Variants in IHO1 observed in about 807,000 individuals in gnomAD.
IHO1 encodes interactor of HORMAD1 1.
IHO1 carries 13 observed loss-of-function variants against 31.0 expected under a neutral mutation model. That is an observed-to-expected ratio of 0.42 (90% CI 0.27 to 0.67). The LOEUF (loss-of-function observed/expected upper bound fraction) is 0.67, where lower values mean the gene tolerates loss of function less well. Among genes scored for constraint, IHO1 ranks in the 30% least tolerant of loss-of-function variants. The pLI, the probability that IHO1 is intolerant of heterozygous loss-of-function variation, is 0.24. For missense variants in IHO1, 599 were observed against 687.5 expected, an observed-to-expected ratio of 0.87 and a Z score of 1.44; for synonymous variants, 221 against 248.4, an observed-to-expected ratio of 0.89 and a Z score of 1.04.
At chr3:49,213,598 G>A (rs2046249381) in intron 2 of IHO1, among the ~76,000 whole-genome samples, 1 of 152,226 alleles carries the variant, frequency 6.6e-6, no homozygotes. Flanking sequence ...GGCAGTGCTA[G>A]TCAGGGAGGC....
chr3:49,256,817 C>T lies in IHO1; in HGVS notation c.1320C>T (p.Asp440=). The stretch of plus-strand genomic sequence containing the variant: ...GGACTGTAGAAATGCGGGGGAAAGA[C>T]AAGAAGCAGCAGCCCAGGAAGGCCC... The part of the protein sequence containing the change: ...KDGTVEMRGK[D]KKQQPRKAHR... The change falls in exon 8 of 8, where the codon GAC becomes GAT. Residue 440 remains aspartate, a synonymous_variant. Coordinates refer to ENST00000452691, the MANE Select transcript of IHO1 (RefSeq NM_001135197.2). This position sits in a 1 kb window ranked among gnomAD's most constrained non-coding sequence, Gnocchi z 4.6. 1.2e-6 allele frequency: 2 copies of T among 1,614,160 alleles called. No individual in the cohort carries two copies. The highest frequency in any genetic ancestry group is 8.5e-7 in the Non-Finnish European group (1 of 1,180,020).
chr3:49,252,932 C>G (rs1053165840), intron 6 of IHO1, among the ~76,000 whole-genome samples: 2 of 151,854 alleles, frequency 1.3e-5, no homozygotes, highest in Admixed American at 6.6e-5. Flanking sequence ...GTCCCAGCTA[C>G]TTGGGAGGCT....
Position 49,257,114 on chromosome 3 carries a change from C to G in IHO1, c.1617C>G (p.Cys539Trp), listed in dbSNP as rs1297883345. ...GAAGACTCTTGCAGCTCAGCAGGTG[C>G]TCTTCCCAAGACAACTGGCTACTTT... is the stretch of plus-strand genomic sequence containing the variant. ...VQGRLLQLSRCSSQDNWLLSS... is the reference protein window; with the variant it reads ...VQGRLLQLSRWSSQDNWLLSS... The change falls in exon 8 of 8, where the codon TGC (cysteine) becomes TGG (tryptophan). Residue 539 changes from cysteine (C) to tryptophan (W), a missense_variant. Physicochemically the swap from Cys to Trp is radical, Grantham distance 215 (BLOSUM62 -2). Coordinates refer to ENST00000452691, the MANE Select transcript of IHO1 (RefSeq NM_001135197.2). 2 of 1,614,044 alleles carry G rather than the reference C, an allele frequency of 1.2e-6. No homozygotes were observed. The highest frequency in any genetic ancestry group is 1.7e-6 in the Non-Finnish European group (2 of 1,180,036).
intron 1 of IHO1, among the ~76,000 whole-genome samples, chr3:49,207,337 C>G (rs1272040195): frequency 6.7e-6 from 1 of 149,474 alleles, no homozygotes; most frequent in African/African-American, 2.5e-5. Context: ...ACTCTGCCTC[C>G]CAGGTTCAAG....
At chr3:49,244,238 T>C (rs934224955) in intron 4 of IHO1, among the ~76,000 whole-genome samples, 166 bp from the exon 5 acceptor site, 1 of 152,058 alleles carries the variant, frequency 6.6e-6, no homozygotes, top group African/African-American at 2.4e-5. Flanking sequence ...TCTTTTTTTT[T>C]CCCTGCTGGG....
chr3:49,200,636 C>G lies in IHO1; in HGVS notation c.-16+1063C>G, dbSNP rs953588199. On this transcript the variant is annotated intron_variant, in intron 1 of 7. Transcript: ENST00000452691. ...CCCTTGTGTACCCACCCTGCCAGGG[C>G]CCTTCCCTTGTATATAGTTCCATTC... 3 of 917,596 alleles carry G rather than the reference C, an allele frequency of 3.3e-6. No individual in the cohort carries two copies. In the Admixed American group the frequency reaches 1.9e-4, roughly 57 times the overall value. 56.8% of individuals were successfully genotyped at this position (917,596 alleles called of 1,614,324 possible). A position where few individuals can be genotyped will look rare whatever the true frequency, so the allele number is the denominator to read the frequency against.
intron 2 of IHO1, among the ~76,000 whole-genome samples, chr3:49,221,476 C>G (rs1047308162): frequency 6.6e-6 from 1 of 152,230 alleles, no homozygotes; most frequent in Non-Finnish European, 1.5e-5. Flanking sequence ...CAAGTCCCCA[C>G]TCGACCCAGG....
At chr3:49,209,874 C>T (rs1045434408) in intron 1 of IHO1, among the ~76,000 whole-genome samples, 1 of 151,238 alleles carries the variant, frequency 6.6e-6, no homozygotes, top group Non-Finnish European at 1.5e-5. Flanking sequence ...ACCACCATGC[C>T]CGGCTAATTT....
chr3:49,203,809 A>G lies in IHO1; in HGVS notation c.-16+4236A>G, dbSNP rs540809412. On this transcript the variant is annotated intron_variant, in intron 1 of 7. Coordinates refer to ENST00000452691, the MANE Select transcript of IHO1 (RefSeq NM_001135197.2). ...AGGAATTAGTATAGTATTTGCTGAC[A>G]GATTGGATGTGAGACTAAGAAAAGG... is the stretch of plus-strand genomic sequence containing the variant. Among the ~76,000 whole-genome samples the G allele has an allele frequency of 1.3e-3, 192 of 152,270 alleles. 1 individual carries two copies. Among genetic ancestry groups the G allele is most frequent in the African/African-American group, 4.2e-3 (175 of 41,544 alleles).
intron 6 of IHO1, among the ~76,000 whole-genome samples, chr3:49,254,654 G>C (rs1390584049): frequency 6.6e-6 from 1 of 152,154 alleles, no homozygotes; most frequent in East Asian, 1.9e-4. Flanking sequence ...TGGTGAGAGA[G>C]AAAACAAGAG....
chr3:49,249,898 C>T (rs1365903236), intron 6 of IHO1, among the ~76,000 whole-genome samples: 1 of 152,176 alleles, frequency 6.6e-6, no homozygotes, highest in Non-Finnish European at 1.5e-5. Flanking sequence ...AATCACTGGC[C>T]ATCCGGGGAA....
At chr3:49,255,737 G>C (rs1383544582) in intron 7 of IHO1, among the ~76,000 whole-genome samples, 1 of 151,996 alleles carries the variant, frequency 6.6e-6, no homozygotes, top group Non-Finnish European at 1.5e-5. Flanking sequence ...TTTTAGTAGA[G>C]AGGGGGTTTT....
chr3:49,257,005 A>G lies in IHO1; in HGVS notation c.1508A>G (p.Gln503Arg). Reference protein sequence around the residue: ...QEPRAQPLHLQCPRSPRKPVC... With the variant: ...QEPRAQPLHLRCPRSPRKPVC... The stretch of plus-strand genomic sequence containing the variant: ...CCCCGTGCTCAGCCTCTGCATCTGC[A>G]GTGTCCCAGGAGCCCCAGAAAACCA... The change falls in exon 8 of 8, where the codon CAG becomes CGG. Residue 503 changes from glutamine to arginine, a missense_variant. Gln to Arg is a conservative substitution (Grantham distance 43). Coordinates refer to ENST00000452691, the MANE Select transcript of IHO1 (RefSeq NM_001135197.2). 1 of 1,614,202 alleles carries G rather than the reference A, an allele frequency of 6.2e-7. No homozygotes were observed.
intron 2 of IHO1, among the ~76,000 whole-genome samples, chr3:49,234,162 G>GTTTTTTTTTT (rs56802492): frequency 3.8e-4 from 35 of 91,926 alleles, no homozygotes; most frequent in Non-Finnish European, 4.4e-4. Context: ...TTTTGTTGTT[G>GTTTTTTTTTT]TTTTTTTTTT....
At chr3:49,244,516 T>C in intron 5 of IHO1, 64 bp downstream of exon 5, 1 of 1,295,168 alleles carries the variant, frequency 7.7e-7, no homozygotes, top group Non-Finnish European at 1.1e-6. Context: ...AATATTTATA[T>C]TGTATTGGCT....
chr3:49,248,767 C>T (rs532665545), intron 6 of IHO1, among the ~76,000 whole-genome samples: 8 of 152,236 alleles, frequency 5.3e-5, no homozygotes, highest in Non-Finnish European at 1.2e-4. Context: ...GTAACAGACA[C>T]AGCAGTATCA....
At chr3:49,246,442 C>T (rs1188165983) in intron 6 of IHO1, among the ~76,000 whole-genome samples, 1 of 151,910 alleles carries the variant, frequency 6.6e-6, no homozygotes, top group African/African-American at 2.4e-5. Context: ...GCCAGGAGTT[C>T]GAGACCAGCC....
chr3:49,236,539 A>G lies in IHO1; in HGVS notation c.57-9A>G, dbSNP rs1165065763. ...TCTATTTGATACACTTTTTTTTGCT[A>G]AATTTCAGGAACAAGAAGTCATCCA... On this transcript the variant is annotated splice_polypyrimidine_tract_variant and intron_variant, in intron 2 of 7. Transcript: ENST00000452691. 6.3e-7 allele frequency: 1 copy of G among 1,586,670 alleles called. No homozygotes were observed. The highest frequency in any genetic ancestry group is 2.2e-5 in the East Asian group (1 of 44,628).
chr3:49,211,287 C>T (rs992396598), intron 1 of IHO1, among the ~76,000 whole-genome samples: 2 of 151,660 alleles, frequency 1.3e-5, no homozygotes, highest in East Asian at 3.9e-4. Context: ...GGATTACAGG[C>T]GTGAGCCACT....
Sources: gnomAD v4.1 joint callset for allele counts (sites outside exome capture counted in the v4.1 genomes callset) on GRCh38, gnomAD v4.1.1 for gene constraint, Gnocchi (gnomAD v3.1) non-coding constraint, MANE v1.5 for transcripts, NCBI Gene and HGNC (gene_info 2026-07-23, HGNC 2026-07-21) for gene names.